The following NSD2 variants were observed in gnomAD, a reference collection of about 807,000 sequenced individuals.
NSD2 encodes nuclear receptor binding SET domain protein 2.
NSD2 carries 12 observed loss-of-function variants against 139.0 expected under a neutral mutation model. The ratio of observed to expected loss-of-function variants is 0.09; its 90% CI spans 0.06 to 0.14. The LOEUF (loss-of-function observed/expected upper bound fraction) is 0.14, where lower values mean the gene tolerates loss of function less well. NSD2 is among the 10% of genes least tolerant of loss of function. The probability of loss-of-function intolerance (pLI) is 1.00; values close to 1 mark genes in which losing one functional copy is unlikely to be tolerated. For missense variants in NSD2, 1,155 were observed against 1,745.0 expected (o/e 0.66, Z 6.02); for synonymous variants, 669 against 648.7 (o/e 1.03, Z -0.48).
rs189455238 is a variant in NSD2 at position 1,897,908 on chromosome 4, T to C, written c.-29-2718T>C. ...TCCTAAAGTGCTGGGATTGCAGGCATGAGCCACCTCACCCAGCTGCTGAAC... is the reference window on the plus strand; with the variant it reads ...TCCTAAAGTGCTGGGATTGCAGGCACGAGCCACCTCACCCAGCTGCTGAAC... On this transcript the variant is annotated intron_variant, in intron 1 of 21. Coordinates refer to ENST00000508803, the MANE Select transcript of NSD2 (RefSeq NM_001042424.3). Among the ~76,000 whole-genome samples, 342 of 152,344 alleles carry C rather than the reference T, an allele frequency of 2.2e-3. 3 individuals are homozygous for C. Among genetic ancestry groups the C allele is most frequent in the Non-Finnish European group, 3.6e-3 (248 of 68,024 alleles).
intron 5 of NSD2, among the ~76,000 whole-genome samples, chr4:1,930,015 C>T (rs1376196964): frequency 6.6e-6 from 1 of 152,136 alleles, no homozygotes; most frequent in East Asian, 1.9e-4. Flanking sequence ...GGGGTGGGGC[C>T]CGGGAGTCTG....
chr4:1,878,981 C>T (rs965395474), intron 1 of NSD2, among the ~76,000 whole-genome samples: 1 of 152,126 alleles, frequency 6.6e-6, no homozygotes, highest in African/African-American at 2.4e-5. Flanking sequence ...ACTGTTACCT[C>T]TCTGTGAACC....
At chr4:1,875,906 C>CA (rs558205463) in intron 1 of NSD2, among the ~76,000 whole-genome samples, 2,284 of 138,748 alleles carry the variant, frequency 0.016, 19 homozygotes, top group South Asian at 0.033. Context: ...GACTCCATCT[C>CA]AAAAAAAAAG....
At chr4:1,897,320 A>T (rs1716486501) in intron 1 of NSD2, among the ~76,000 whole-genome samples, 1 of 152,098 alleles carries the variant, frequency 6.6e-6, no homozygotes, top group Admixed American at 6.5e-5. Flanking sequence ...ATCTCTACAA[A>T]AAAAGGGTTA....
intron 1 of NSD2, among the ~76,000 whole-genome samples, chr4:1,880,025 AG>A (rs1714586880): frequency 6.6e-6 from 1 of 152,150 alleles, no homozygotes; most frequent in Admixed American, 6.6e-5. Context: ...TTAGTTAACA[AG>A]TAGAGATAGT....
intron 21 of NSD2, among the ~76,000 whole-genome samples, chr4:1,977,658 C>G (rs763556288): frequency 6.6e-6 from 1 of 151,976 alleles, no homozygotes; most frequent in Non-Finnish European, 1.5e-5. Context: ...CACCTGTAAT[C>G]CCAGCTATTC....
chr4:1,914,759 CATTCTTCACATAATTTGCT>C (rs1719135853), intron 3 of NSD2, among the ~76,000 whole-genome samples: 1 of 152,150 alleles, frequency 6.6e-6, no homozygotes, highest in South Asian at 2.1e-4. Context: ...AGTTTTTGGC[CATTCTTCACATAATTTGCT>C]ATTCTTCACA....
intron 5 of NSD2, 144 bp from the exon 6 acceptor site, chr4:1,930,482 C>G: frequency 1.2e-6 from 1 of 862,066 alleles, no homozygotes; most frequent in Non-Finnish European, 1.7e-6. Context: ...TTCTTTGAAG[C>G]TTTTATGGAC....
At chr4:1,873,692 A>G (rs1383410949) in intron 1 of NSD2, among the ~76,000 whole-genome samples, 1 of 152,234 alleles carries the variant, frequency 6.6e-6, no homozygotes, top group Non-Finnish European at 1.5e-5. Context: ...CTCACATGGC[A>G]GAATGTGAAC....
intron 18 of NSD2, among the ~76,000 whole-genome samples, chr4:1,965,224 C>A (rs184837752): frequency 6.6e-6 from 1 of 152,052 alleles, no homozygotes; most frequent in Non-Finnish European, 1.5e-5. Flanking sequence ...AAAGGAAAAC[C>A]TGCAGAAAGT....
intron 1 of NSD2, among the ~76,000 whole-genome samples, chr4:1,894,834 AG>A (rs1716038263): frequency 6.6e-6 from 1 of 152,194 alleles, no homozygotes; most frequent in African/African-American, 2.4e-5. Flanking sequence ...TAAAGCATTT[AG>A]TTCTATGGTC....
intron 15 of NSD2, among the ~76,000 whole-genome samples, chr4:1,957,500 C>A (rs1030517988): frequency 6.7e-6 from 1 of 149,094 alleles, no homozygotes; most frequent in Non-Finnish European, 1.5e-5. Flanking sequence ...GTTGGCCAGG[C>A]TGGTCTTGAA....
intron 3 of NSD2, among the ~76,000 whole-genome samples, chr4:1,916,089 C>T (rs1205270042): frequency 6.6e-6 from 1 of 152,106 alleles, no homozygotes. Context: ...TGTGGGGTTA[C>T]TCTGTGGTCT....
At chr4:1,909,262 A>AC (rs532991383) in intron 3 of NSD2, among the ~76,000 whole-genome samples, 42 of 146,902 alleles carry the variant, frequency 2.9e-4, no homozygotes, top group South Asian at 1.1e-3. Context: ...TTTTCCCACC[A>AC]CCCCCCCCAA....
intron 1 of NSD2, among the ~76,000 whole-genome samples, chr4:1,896,127 C>G (rs1014231828): frequency 6.6e-6 from 1 of 152,226 alleles, no homozygotes; most frequent in Non-Finnish European, 1.5e-5. Context: ...GATTCTAGTC[C>G]AGACAGCAGC....
At chr4:1,922,834 G>C (rs371688349) in intron 5 of NSD2, among the ~76,000 whole-genome samples, 9 of 152,344 alleles carry the variant, frequency 5.9e-5, no homozygotes, top group African/African-American at 2.2e-4. Flanking sequence ...GCTGAGGCTG[G>C]AGAATTGCTT....
rs1403312398 is a variant in NSD2, at chr4:1,904,333, A to G, written c.715A>G (p.Met239Val). The G allele has an allele frequency of 6.2e-7, 1 of 1,614,088 alleles. No individual in the cohort carries two copies. Among genetic ancestry groups the G allele is most frequent in the Non-Finnish European group, 8.5e-7 (1 of 1,179,988 alleles). ...KVSGYPWWPC[M>V]VSADPLLHSY... ...GTCGGGTTACCCTTGGTGGCCTTGCATGGTTTCTGCAGATCCACTCCTTCA... is the reference window on the plus strand; with the variant it reads ...GTCGGGTTACCCTTGGTGGCCTTGCGTGGTTTCTGCAGATCCACTCCTTCA... The change falls in exon 3 of 22, where the codon ATG becomes GTG. Residue 239 changes from methionine to valine, a missense_variant. Physicochemically the swap from Met to Val is conservative, Grantham distance 21. This residue lies in a region of NSD2 where 34 missense variants were observed against 75.2 expected (regional missense o/e 0.45). Transcript: ENST00000508803.
Position 1,943,610 on chromosome 4 carries a change from T to C in NSD2, c.1881+3832T>C, listed in dbSNP as rs974231827. 3 of 1,048,884 alleles carry C rather than the reference T, an allele frequency of 2.9e-6. No individual in the cohort carries two copies. In the African/African-American group the frequency reaches 5.0e-5, roughly 17 times the overall value. 65.0% of individuals were successfully genotyped at this position (1,048,884 alleles called of 1,614,324 possible). A position where few individuals can be genotyped will look rare whatever the true frequency, so the allele number is the denominator to read the frequency against. ...TATGGCTGAGGGCTGGTTGGGTTCC[T>C]CTATTGGCTCTGCTCAAATGTTGCA... is the stretch of plus-strand genomic sequence containing the variant. On this transcript the variant is annotated intron_variant, in intron 9 of 21. Transcript: ENST00000508803.
At chr4:1,953,089 T>G in intron 11 of NSD2, 4 of 1,491,756 alleles carry the variant, frequency 2.7e-6, no homozygotes, top group Admixed American at 2.3e-5. Context: ...CCTAGTAAGA[T>G]TCTCCTGTAT....
Sources: gnomAD v4.1 joint callset for allele counts (sites outside exome capture counted in the v4.1 genomes callset) on GRCh38, gnomAD v4.1.1 for gene constraint, gnomAD v4.1.1 regional missense constraint, MANE v1.5 for transcripts, NCBI Gene and HGNC (gene_info 2026-07-23, HGNC 2026-07-21) for gene names.